Variants in ANKS1B observed in about 807,000 individuals in gnomAD.
The protein encoded by ANKS1B is ankyrin repeat and sterile alpha motif domain containing 1B, also known as ankyrin repeat and sterile alpha motif domain-containing protein 1B.
Under a neutral mutation model 148.3 loss-of-function variants are expected in ANKS1B, and 36 were observed. The ratio of observed to expected loss-of-function variants is 0.24; its 90% confidence interval spans 0.19 to 0.32. The LOEUF (loss-of-function observed/expected upper bound fraction) is 0.32, where lower values mean the gene tolerates loss of function less well. ANKS1B is among the 10% of genes least tolerant of loss of function. The probability of loss-of-function intolerance (pLI) is 1.00; values close to 1 mark genes in which losing one functional copy is unlikely to be tolerated. For missense variants in ANKS1B, 1,157 were observed against 1,542.6 expected, an observed-to-expected ratio of 0.75 and a Z score of 4.19; for synonymous variants, 542 against 560.8, an observed-to-expected ratio of 0.97 and a Z score of 0.47.
chr12:99,542,500 G>C (rs2097135665), intron 9 of ANKS1B, among the ~76,000 whole-genome samples: 1 of 145,426 alleles, frequency 6.9e-6, no homozygotes, highest in Admixed American at 7.0e-5. Flanking sequence ...TTGATCAACA[G>C]GTTCATCAAA....
chr12:99,231,660 A>AC (rs1176549821), intron 14 of ANKS1B, among the ~76,000 whole-genome samples: 1 of 151,988 alleles, frequency 6.6e-6, no homozygotes, highest in Non-Finnish European at 1.5e-5. Flanking sequence ...CATTTAAAAA[A>AC]AAATGTTTCC....
chr12:99,457,013 A>T (rs2095858154), intron 10 of ANKS1B, among the ~76,000 whole-genome samples: 1 of 152,212 alleles, frequency 6.6e-6, no homozygotes, highest in Non-Finnish European at 1.5e-5. Context: ...GTGAGGCAAA[A>T]GCATCAGATA....
chr12:98,745,837 A>C lies in ANKS1B; in HGVS notation c.3760T>G (p.Ser1254Ala), dbSNP rs1293043790. 2.5e-6 allele frequency: 4 copies of C among 1,613,036 alleles called. No individual in the cohort carries two copies. The highest frequency in any genetic ancestry group is 3.4e-6 in the Non-Finnish European group (4 of 1,179,468). The change falls in exon 27 of 27, where the codon TCT becomes GCT. Residue 1254 changes from serine to alanine, a missense_variant. By Grantham distance (99) the Ser-to-Ala change is moderately conservative (BLOSUM62 1). This residue lies in a region of ANKS1B where 46 missense variants were observed against 62.0 expected (regional missense o/e 0.74). Coordinates refer to ENST00000683438, the MANE Select transcript of ANKS1B (RefSeq NM_001352186.2). ...AGATTGGCCAGAGTCTTTTGCTCAG[A>C]TGGGTCGATCTGCTTTAAAACAGAA... ...SIRKSVQIDP[S>A]EQKTLANLPW...
At chr12:98,788,555 A>G (rs1035493424) in intron 22 of ANKS1B, among the ~76,000 whole-genome samples, 2 of 152,214 alleles carry the variant, frequency 1.3e-5, no homozygotes, top group Non-Finnish European at 2.9e-5. Flanking sequence ...CCAGGTGACA[A>G]GAACAGACAG....
intron 8 of ANKS1B, among the ~76,000 whole-genome samples, chr12:99,680,169 G>T (rs2098605836): frequency 6.6e-6 from 1 of 152,210 alleles, no homozygotes; most frequent in Non-Finnish European, 1.5e-5. Context: ...GGCCAGGTAT[G>T]GTGGCCCATG....
chr12:99,835,387 C>T (rs1319654391), intron 1 of ANKS1B, among the ~76,000 whole-genome samples: 1 of 151,880 alleles, frequency 6.6e-6, no homozygotes, highest in Non-Finnish European at 1.5e-5. Flanking sequence ...TGACACTGTG[C>T]CACTGCACTC....
chr12:99,343,198 T>C (rs1028184491), intron 12 of ANKS1B, among the ~76,000 whole-genome samples: 2 of 152,052 alleles, frequency 1.3e-5, no homozygotes, highest in Admixed American at 6.6e-5. Context: ...TGTGTGACCA[T>C]TGAAACACAT....
chr12:99,050,136 C>T (rs1204636864), intron 17 of ANKS1B, among the ~76,000 whole-genome samples: 1 of 152,138 alleles, frequency 6.6e-6, no homozygotes, highest in Non-Finnish European at 1.5e-5. Context: ...ATTATTCAGC[C>T]CATATATTAT....
intron 12 of ANKS1B, among the ~76,000 whole-genome samples, chr12:99,278,603 C>A (rs551883069): frequency 6.6e-6 from 1 of 152,272 alleles, no homozygotes; most frequent in Non-Finnish European, 1.5e-5. Context: ...GGTCAGGCAT[C>A]ACCTCCTCCA....
chr12:99,123,388 G>A (rs1158825999), intron 15 of ANKS1B, among the ~76,000 whole-genome samples: 5 of 152,170 alleles, frequency 3.3e-5, no homozygotes, highest in Non-Finnish European at 5.9e-5. Flanking sequence ...GTGCTTGGCC[G>A]GATCAGGACC....
At chr12:98,794,583 A>G (rs2098930491) in intron 22 of ANKS1B, 1 of 766,644 alleles carries the variant, frequency 1.3e-6, no homozygotes, top group East Asian at 2.5e-5. Flanking sequence ...GATTTTGTAA[A>G]TCTAAATGTC....
chr12:98,978,535 G>A (rs910840343), intron 17 of ANKS1B, among the ~76,000 whole-genome samples: 1 of 151,874 alleles, frequency 6.6e-6, no homozygotes, highest in Non-Finnish European at 1.5e-5. Flanking sequence ...GAATTTCTTG[G>A]ATCTGTGGGC....
chr12:99,045,361 C>T (rs1318056392), intron 17 of ANKS1B, among the ~76,000 whole-genome samples: 1 of 152,160 alleles, frequency 6.6e-6, no homozygotes, highest in Admixed American at 6.5e-5. Flanking sequence ...TCCTTCTTCC[C>T]TCACAGCCAG....
chr12:99,575,970 T>A (rs2097515012), intron 9 of ANKS1B, among the ~76,000 whole-genome samples: 1 of 151,844 alleles, frequency 6.6e-6, no homozygotes, highest in Non-Finnish European at 1.5e-5. Context: ...GTTGGGTAAA[T>A]AAGTAAGACC....
At chr12:99,916,623 C>T (rs528539433) in intron 1 of ANKS1B, among the ~76,000 whole-genome samples, 49 of 152,326 alleles carry the variant, frequency 3.2e-4, no homozygotes, top group African/African-American at 1.2e-3. Context: ...CCTGGTATCA[C>T]TTCTGCTCTG....
At chr12:98,935,404 T>C (rs1012636442) in intron 17 of ANKS1B, among the ~76,000 whole-genome samples, 4 of 152,230 alleles carry the variant, frequency 2.6e-5, no homozygotes, top group African/African-American at 9.6e-5. Flanking sequence ...TCTGCATCTA[T>C]GCATATCAGG....
chr12:99,468,259 T>C (rs368575287), intron 10 of ANKS1B, among the ~76,000 whole-genome samples: 5 of 152,032 alleles, frequency 3.3e-5, no homozygotes, highest in Admixed American at 2.0e-4. Context: ...AAACTGGATC[T>C]CTTCCTTACA....
intron 17 of ANKS1B, among the ~76,000 whole-genome samples, chr12:98,937,355 C>T (rs957619030): frequency 8.6e-5 from 13 of 151,956 alleles, no homozygotes; most frequent in Admixed American, 8.5e-4. Context: ...GCCTGGTGGC[C>T]TCCAGGATAA....
chr12:99,768,616 G>A (rs1470355174), intron 8 of ANKS1B, among the ~76,000 whole-genome samples: 2 of 151,764 alleles, frequency 1.3e-5, no homozygotes, highest in South Asian at 2.1e-4. Flanking sequence ...TCACAAGGTC[G>A]GGAGATCGAG....
Sources: allele counts gnomAD v4.1 joint callset (sites outside exome capture counted in the v4.1 genomes callset), GRCh38; gene constraint gnomAD v4.1.1; regional missense constraint gnomAD v4.1.1; transcripts MANE v1.5; gene names NCBI Gene and HGNC (gene_info 2026-07-23, HGNC 2026-07-21).